Variants in EYS observed in about 807,000 individuals in gnomAD.
The protein encoded by EYS is protein eyes shut homolog.
EYS carries 250 observed loss-of-function variants against 282.1 expected under a neutral mutation model. The observed-to-expected ratio is 0.89, with a 90% CI of 0.80 to 0.98. EYS has a LOEUF of 0.98. Ranked by LOEUF, EYS falls within the 50% of genes least tolerant of loss-of-function variation. The pLI is 0.00. For synonymous variants in EYS, 1,355 were observed against 1,282.9 expected, an observed-to-expected ratio of 1.06 and a Z score of -1.20; for missense variants, 4,016 against 3,709.0, an observed-to-expected ratio of 1.08 and a Z score of -2.15.
chr6:65,189,145 A>G lies in EYS; in HGVS notation c.2023+106718T>C, dbSNP rs1051631557. On this transcript the variant is annotated intron_variant, in intron 12 of 42. Transcript: ENST00000503581. ...TAAGAGGCAAAAAGGTAATGTGAAAATTTTTTAAAGTATAATTTATTATAT... is the reference window on the plus strand; with the variant it reads ...TAAGAGGCAAAAAGGTAATGTGAAAGTTTTTTAAAGTATAATTTATTATAT... 4.6e-5 allele frequency among the ~76,000 whole-genome samples: 7 copies of G among 151,536 alleles called. No homozygotes were observed. In the Admixed American group the frequency reaches 4.6e-4, roughly 10 times the overall value.
At chr6:65,553,330 GGGATATA>G (rs1358281674) in intron 2 of EYS, among the ~76,000 whole-genome samples, 4 of 152,016 alleles carry the variant, frequency 2.6e-5, no homozygotes, top group Non-Finnish European at 4.4e-5. Context: ...TTCCTTTCAT[GGGATATA>G]GGATAGATCA....
intron 35 of EYS, among the ~76,000 whole-genome samples, chr6:63,922,636 G>A (rs528450558): frequency 2.8e-4 from 43 of 152,124 alleles, no homozygotes; most frequent in Non-Finnish European, 5.1e-4. Context: ...GCTATAATGA[G>A]TTTAAATAAA....
intron 13 of EYS, among the ~76,000 whole-genome samples, chr6:65,019,510 C>T (rs947490698): frequency 6.6e-6 from 1 of 152,110 alleles, no homozygotes; most frequent in Non-Finnish European, 1.5e-5. Context: ...ATTTCTGATA[C>T]CTAACATAGA....
At chr6:64,049,826 A>C (rs1049111291) in intron 33 of EYS, among the ~76,000 whole-genome samples, 1 of 152,212 alleles carries the variant, frequency 6.6e-6, no homozygotes, top group Non-Finnish European at 1.5e-5. Context: ...TTCTGAAGAC[A>C]GATAGAAATG....
intron 35 of EYS, among the ~76,000 whole-genome samples, chr6:63,978,878 A>T (rs1002035883): frequency 2.6e-5 from 4 of 151,924 alleles, no homozygotes; most frequent in African/African-American, 7.2e-5. Context: ...ACAAATGTTA[A>T]AAAAAGTCTA....
intron 30 of EYS, among the ~76,000 whole-genome samples, chr6:64,248,491 A>G (rs1767092183): frequency 6.6e-6 from 1 of 152,154 alleles, no homozygotes; most frequent in Non-Finnish European, 1.5e-5. Context: ...GTTTGTTTCC[A>G]AAAGGACTTT....
intron 33 of EYS, among the ~76,000 whole-genome samples, chr6:64,000,088 G>A (rs1358688724): frequency 3.4e-5 from 5 of 147,254 alleles, no homozygotes; most frequent in East Asian, 2.0e-4. Context: ...TTTGGACAAC[G>A]ATCAGACTTA....
chr6:64,447,282 G>T (rs556128019), intron 26 of EYS, among the ~76,000 whole-genome samples: 1 of 151,934 alleles, frequency 6.6e-6, no homozygotes, highest in Non-Finnish European at 1.5e-5. Flanking sequence ...AAATTTCTGT[G>T]TTCTACAAAT....
chr6:63,850,206 G>A (rs953114008), intron 36 of EYS, among the ~76,000 whole-genome samples: 2 of 152,194 alleles, frequency 1.3e-5, no homozygotes, highest in African/African-American at 4.8e-5. Context: ...ATTGATTGGT[G>A]TATCTGAAAG....
At chr6:65,632,133 A>C (rs1484093634) in intron 2 of EYS, among the ~76,000 whole-genome samples, 1 of 152,310 alleles carries the variant, frequency 6.6e-6, no homozygotes, top group African/African-American at 2.4e-5. Context: ...TGAAAGTTCT[A>C]TGGACAGAAC....
intron 26 of EYS, among the ~76,000 whole-genome samples, chr6:64,474,764 G>C (rs187810833): frequency 1.7e-4 from 26 of 152,340 alleles, no homozygotes; most frequent in Non-Finnish European, 2.9e-4. Context: ...AATCTTTGTA[G>C]TCAGAAAGCC....
chr6:64,470,995 T>C (rs557749501), intron 26 of EYS, among the ~76,000 whole-genome samples: 149 of 152,162 alleles, frequency 9.8e-4, no homozygotes, highest in African/African-American at 3.4e-3. Context: ...GATCCCCAAA[T>C]AGACTCAACC....
chr6:65,518,675 T>C (rs561600798), intron 2 of EYS, among the ~76,000 whole-genome samples: 103 of 152,160 alleles, frequency 6.8e-4, no homozygotes, highest in Non-Finnish European at 1.4e-3. Flanking sequence ...AAGTGTATAT[T>C]AGTAGGTTCT....
At chr6:65,346,915 TATC>T (rs1770417753) in intron 9 of EYS, among the ~76,000 whole-genome samples, 1 of 151,862 alleles carries the variant, frequency 6.6e-6, no homozygotes, top group African/African-American at 2.4e-5. Flanking sequence ...TCTTTCACCT[TATC>T]ATGTATCTCA....
At chr6:64,813,989 T>C (rs1764676222) in intron 21 of EYS, among the ~76,000 whole-genome samples, 1 of 152,024 alleles carries the variant, frequency 6.6e-6, no homozygotes, top group Non-Finnish European at 1.5e-5. Context: ...TGATTAATAG[T>C]ACTTCCATTA....
At chr6:64,632,662 C>CT (rs1294069031) in intron 22 of EYS, among the ~76,000 whole-genome samples, 1 of 2,878 alleles carries the variant, frequency 3.5e-4, no homozygotes, top group East Asian at 0.036. Flanking sequence ...GACATATTTT[C>CT]TTTTTTAAAA....
At chr6:64,384,889 A>G (rs1316341235) in intron 29 of EYS, among the ~76,000 whole-genome samples, 3 of 152,210 alleles carry the variant, frequency 2.0e-5, no homozygotes, top group Non-Finnish European at 4.4e-5. Context: ...CAGCACATAC[A>G]CATTGGATTA....
At chr6:65,562,025 CTA>C (rs1490083544) in intron 2 of EYS, among the ~76,000 whole-genome samples, 1 of 151,022 alleles carries the variant, frequency 6.6e-6, no homozygotes, top group Non-Finnish European at 1.5e-5. Context: ...TATAAACATG[CTA>C]TATATGTATA....
intron 35 of EYS, among the ~76,000 whole-genome samples, chr6:63,910,102 C>A (rs566692474): frequency 6.6e-6 from 1 of 152,026 alleles, no homozygotes; most frequent in Non-Finnish European, 1.5e-5. Flanking sequence ...ATGGGAGAAA[C>A]GGAAGAAAAT....
Sources: gnomAD v4.1 joint callset for allele counts (sites outside exome capture counted in the v4.1 genomes callset) on GRCh38, gnomAD v4.1.1 for gene constraint, MANE v1.5 for transcripts, NCBI Gene and HGNC (gene_info 2026-07-23, HGNC 2026-07-21) for gene names.